The following GKAP1 variants were observed in gnomAD, a reference collection of about 807,000 sequenced individuals.
The protein encoded by GKAP1 is G kinase anchoring protein 1.
In GKAP1, 31 loss-of-function variants were observed where a neutral mutation model predicts 56.7. The ratio of observed to expected loss-of-function variants is 0.55; its 90% confidence interval spans 0.41 to 0.74. GKAP1 has a LOEUF of 0.74. Ranked by LOEUF, GKAP1 falls within the 30% of genes least tolerant of loss-of-function variation. GKAP1 has a pLI of 0.00. For synonymous variants in GKAP1, 151 were observed against 138.6 expected (o/e 1.09, Z -0.63); for missense variants, 364 against 402.3 (o/e 0.90, Z 0.82).
At chr9:83,742,263 AG>A (rs1327238028) in intron 11 of GKAP1, among the ~76,000 whole-genome samples, 1 of 102,228 alleles carries the variant, frequency 9.8e-6, no homozygotes. Flanking sequence ...GCCCAGATAC[AG>A]GGTTAAGTTC....
chr9:83,795,328 T>C (rs1303732789), intron 4 of GKAP1, among the ~76,000 whole-genome samples: 1 of 152,158 alleles, frequency 6.6e-6, no homozygotes, highest in Non-Finnish European at 1.5e-5. Context: ...TCTTTTGATA[T>C]ATACATCTAA....
chr9:83,778,953 T>C (rs1206126102), intron 7 of GKAP1, among the ~76,000 whole-genome samples: 1 of 152,070 alleles, frequency 6.6e-6, no homozygotes, highest in Non-Finnish European at 1.5e-5. Context: ...CTTTAATATA[T>C]TAAATAGGTA....
chr9:83,779,237 A>G (rs1043062685), intron 7 of GKAP1, among the ~76,000 whole-genome samples: 11 of 151,916 alleles, frequency 7.2e-5, no homozygotes, highest in Admixed American at 5.9e-4. Flanking sequence ...AATGGTTTGC[A>G]AATAACTTTT....
rs753890663 is a variant in GKAP1, at chr9:83,768,911, A to G, written c.645T>C (p.Asp215=). The G allele has an allele frequency of 1.2e-6, 2 of 1,610,850 alleles. No homozygotes were observed. Among genetic ancestry groups the G allele is most frequent in the Non-Finnish European group, 1.7e-6 (2 of 1,178,148 alleles). ...CTCTAATAAGAATTTTATGAACATC[A>G]TCTTCCAGTCTATTGAAGAATCCTC... is the stretch of plus-strand genomic sequence containing the variant. The part of the protein sequence containing the change: ...HDGGFFNRLE[D]DVHKILIREK... Residue 215 remains aspartate (D), a synonymous_variant, in exon 8 of 13, where the codon GAT becomes GAC. Transcript: ENST00000376371.
intron 2 of GKAP1, among the ~76,000 whole-genome samples, chr9:83,807,722 T>C (rs1288918220): frequency 6.6e-6 from 1 of 152,248 alleles, no homozygotes; most frequent in Non-Finnish European, 1.5e-5. Context: ...AATGAACTGC[T>C]GTCATTTCCA....
intron 8 of GKAP1, among the ~76,000 whole-genome samples, chr9:83,754,572 G>A (rs1478955811): frequency 2.0e-5 from 3 of 152,166 alleles, no homozygotes; most frequent in Admixed American, 1.3e-4. Flanking sequence ...AAGGGGAAGT[G>A]AGAGCTTTCC....
At chr9:83,804,095 G>GGGA (rs2131318865) in intron 3 of GKAP1, among the ~76,000 whole-genome samples, 1 of 150,424 alleles carries the variant, frequency 6.6e-6, no homozygotes, top group East Asian at 2.0e-4. Flanking sequence ...GTCTCCGCCC[G>GGGA]GCAGCCGCCC....
chr9:83,749,636 A>AT (rs931987184), intron 9 of GKAP1, among the ~76,000 whole-genome samples: 1 of 152,134 alleles, frequency 6.6e-6, no homozygotes, highest in Non-Finnish European at 1.5e-5. Context: ...AAGAAAAATC[A>AT]TTTTTTTCCT....
At chr9:83,743,869 A>G (rs1943247527) in intron 10 of GKAP1, among the ~76,000 whole-genome samples, 2 of 152,156 alleles carry the variant, frequency 1.3e-5, no homozygotes, top group African/African-American at 4.8e-5. Context: ...AAATTTTCAC[A>G]TGGCTGAGAA....
chr9:83,803,620 C>G (rs2131317897), intron 3 of GKAP1, among the ~76,000 whole-genome samples: 1 of 152,326 alleles, frequency 6.6e-6, no homozygotes, highest in East Asian at 1.9e-4. Flanking sequence ...CATCTCCCAG[C>G]CGCCTGCCTT....
At chr9:83,777,128 A>G (rs770165648) in intron 7 of GKAP1, among the ~76,000 whole-genome samples, 6 of 152,210 alleles carry the variant, frequency 3.9e-5, no homozygotes, top group Non-Finnish European at 8.8e-5. Context: ...CCTCTGTCCA[A>G]TATCTCCCCC....
chr9:83,777,317 T>C (rs961008489), intron 7 of GKAP1, among the ~76,000 whole-genome samples: 1 of 152,184 alleles, frequency 6.6e-6, no homozygotes, highest in Non-Finnish European at 1.5e-5. Flanking sequence ...AAATTGGGAC[T>C]AGAGAGAAAT....
At chr9:83,769,708 C>G (rs1354698523) in intron 7 of GKAP1, among the ~76,000 whole-genome samples, 1 of 152,110 alleles carries the variant, frequency 6.6e-6, no homozygotes, top group Non-Finnish European at 1.5e-5. Flanking sequence ...TTTGTGTGGA[C>G]GTATTTTCAA....
At chr9:83,787,674 C>T (rs983035160) in intron 5 of GKAP1, among the ~76,000 whole-genome samples, 4 of 152,054 alleles carry the variant, frequency 2.6e-5, no homozygotes, top group Admixed American at 6.6e-5. Context: ...GTAAATGTTA[C>T]GGAATAAAAT....
At chr9:83,799,361 G>A in intron 3 of GKAP1, 33 bp from the exon 4 acceptor site, 1 of 1,466,380 alleles carries the variant, frequency 6.8e-7, no homozygotes, top group Non-Finnish European at 9.2e-7. Context: ...ATTAAATTCA[G>A]TTTACCAATC....
intron 8 of GKAP1, among the ~76,000 whole-genome samples, chr9:83,764,792 G>A (rs1326982460): frequency 6.6e-6 from 1 of 152,196 alleles, no homozygotes; most frequent in Non-Finnish European, 1.5e-5. Context: ...CTAGAGATCT[G>A]TGGAATTTTG....
intron 3 of GKAP1, among the ~76,000 whole-genome samples, chr9:83,804,312 C>T (rs1488997619): frequency 6.9e-6 from 1 of 145,494 alleles, no homozygotes; most frequent in Non-Finnish European, 1.5e-5. Context: ...GGGTCAGCAC[C>T]CCGCCCGGCC....
In GKAP1 at chr9:83,779,501, ACATATATGTG is replaced by A. The variant is rs1357449640; in HGVS notation, c.585+871_585+880del. On this transcript the variant is annotated intron_variant, in intron 7 of 12. Coordinates refer to ENST00000376371, the MANE Select transcript of GKAP1 (RefSeq NM_025211.4). ...TATACATACATATATACACATATAC[ACATATATGTG>A]TATATATATACACGTGTATATGTGT... Among the ~76,000 whole-genome samples, 309 of 141,086 alleles carry A rather than the reference ACATATATGTG, an allele frequency of 2.2e-3. 12 individuals carry two copies. The highest frequency in any genetic ancestry group is 4.1e-3 in the Non-Finnish European group (260 of 63,824). 92.6% of individuals were successfully genotyped at this position (141,086 alleles called of 152,430 possible). A position where few individuals can be genotyped will look rare whatever the true frequency, so the allele number is the denominator to read the frequency against.
chr9:83,760,457 C>T (rs1247384828), intron 8 of GKAP1, among the ~76,000 whole-genome samples: 1 of 152,128 alleles, frequency 6.6e-6, no homozygotes, highest in African/African-American at 2.4e-5. Context: ...TTGGACAGAT[C>T]TTCTAGTAAG....
Sources: gnomAD v4.1 joint callset for allele counts (sites outside exome capture counted in the v4.1 genomes callset) on GRCh38, gnomAD v4.1.1 for gene constraint, MANE v1.5 for transcripts, NCBI Gene and HGNC (gene_info 2026-07-23, HGNC 2026-07-21) for gene names.